The following SLC44A5 variants were observed in gnomAD, a reference collection of about 807,000 sequenced individuals.
The protein encoded by SLC44A5 is solute carrier family 44 member 5.
Under a neutral mutation model 101.8 loss-of-function variants are expected in SLC44A5, and 57 were observed. That is an observed-to-expected ratio of 0.56 (90% CI 0.45 to 0.70). The LOEUF is 0.70. Ranked by LOEUF, SLC44A5 falls within the 30% of genes least tolerant of loss-of-function variation. The pLI is 0.00. For synonymous variants in SLC44A5, 281 were observed against 290.9 expected, an observed-to-expected ratio of 0.97 and a Z score of 0.35; for missense variants, 737 against 853.1, an observed-to-expected ratio of 0.86 and a Z score of 1.70.
At chr1:75,397,558 G>A (rs1662204064) in intron 2 of SLC44A5, among the ~76,000 whole-genome samples, 1 of 152,078 alleles carries the variant, frequency 6.6e-6, no homozygotes, top group Non-Finnish European at 1.5e-5. Context: ...AATTAAAATA[G>A]TAACCAACTT....
At chr1:75,290,247 TC>T (rs1380666083) in intron 5 of SLC44A5, among the ~76,000 whole-genome samples, 38 of 152,310 alleles carry the variant, frequency 2.5e-4, no homozygotes, top group African/African-American at 8.9e-4. Flanking sequence ...GCCAGTTATA[TC>T]CCCTTGTAGG....
At chr1:75,596,367 T>C (rs927087674) in intron 1 of SLC44A5, among the ~76,000 whole-genome samples, 2 of 152,114 alleles carry the variant, frequency 1.3e-5, no homozygotes, top group African/African-American at 4.8e-5. Context: ...TTCTACCAGA[T>C]GTACAAAGAA....
At chr1:75,416,444 G>A (rs1663651847) in intron 2 of SLC44A5, among the ~76,000 whole-genome samples, 1 of 152,218 alleles carries the variant, frequency 6.6e-6, no homozygotes, top group South Asian at 2.1e-4. Flanking sequence ...TTGCTGCATG[G>A]GTGGGGCCCT....
At chr1:75,698,288 G>C in the SLC44A5 span, among the ~76,000 whole-genome samples, 1 of 152,190 alleles carries the variant, frequency 6.6e-6, no homozygotes, top group South Asian at 2.1e-4. Context: ...GGTTCTCCCA[G>C]TACGCAGCTG....
intron 2 of SLC44A5, among the ~76,000 whole-genome samples, chr1:75,487,726 A>G (rs1387002542): frequency 6.6e-6 from 1 of 152,176 alleles, no homozygotes; most frequent in Non-Finnish European, 1.5e-5. Context: ...TGTGAATGTC[A>G]TAGAGTATAC....
At chr1:75,230,750 G>T (rs1284792259) in intron 12 of SLC44A5, among the ~76,000 whole-genome samples, 2 of 152,092 alleles carry the variant, frequency 1.3e-5, no homozygotes, top group African/African-American at 4.8e-5. Flanking sequence ...CCAAGTAGCT[G>T]GGACTACAGG....
In SLC44A5 at chr1:75,317,130, C is replaced by A. The variant is rs56031819; in HGVS notation, c.102-16445G>T. 8.7e-3 allele frequency among the ~76,000 whole-genome samples: 1,318 copies of A among 152,264 alleles called. 21 individuals are homozygous for A. Among genetic ancestry groups the A allele is most frequent in the African/African-American group, 0.03 (1,264 of 41,546 alleles). On this transcript the variant is annotated intron_variant, in intron 4 of 23. Transcript: ENST00000370859. ...ATATTTTAAAAGTACGATTTTAAAC[C>A]AAGAGACTATGTATGTTCCAATCTT...
At chr1:75,262,297 A>G (rs1482587284) in intron 6 of SLC44A5, among the ~76,000 whole-genome samples, 3 of 152,260 alleles carry the variant, frequency 2.0e-5, no homozygotes, top group Middle Eastern at 3.2e-3. Context: ...GTCTCAGGAT[A>G]CAAAATCAAT....
At chr1:75,311,332 G>C (rs1236201790) in intron 4 of SLC44A5, among the ~76,000 whole-genome samples, 1 of 152,142 alleles carries the variant, frequency 6.6e-6, no homozygotes, top group Non-Finnish European at 1.5e-5. Flanking sequence ...GGCCACGCTG[G>C]TCTCGAACTC....
chr1:75,550,648 T>C (rs1671889634), intron 1 of SLC44A5, among the ~76,000 whole-genome samples: 1 of 152,066 alleles, frequency 6.6e-6, no homozygotes, highest in Non-Finnish European at 1.5e-5. Context: ...GTAATCTCCA[T>C]ACATGGACAA....
rs1429561694 is a variant in SLC44A5 at position 75,464,235 on chromosome 1, A to AAG, written c.14-67615_14-67614insCT. ...AGACTCTGTCTCAAAAAAAAAAAAA[A>AAG]AAAAAAAAGCAAGAAAGAAGAAAAA... On this transcript the variant is annotated intron_variant, in intron 2 of 23. Transcript: ENST00000370859. 3.3e-5 allele frequency among the ~76,000 whole-genome samples: 5 copies of AAG among 151,304 alleles called. No individual in the cohort carries two copies. The East Asian group carries it at 9.7e-4, about 29-fold the overall frequency.
intron 3 of SLC44A5, among the ~76,000 whole-genome samples, chr1:75,359,133 C>T (rs1225823632): frequency 1.3e-5 from 2 of 150,418 alleles, no homozygotes; most frequent in African/African-American, 4.9e-5. Context: ...TAATGCCCTC[C>T]AGGCGGCTCC....
chr1:75,446,428 T>G (rs1665579676), intron 2 of SLC44A5, among the ~76,000 whole-genome samples: 1 of 152,314 alleles, frequency 6.6e-6, no homozygotes, highest in South Asian at 2.1e-4. Context: ...TTACTCACTC[T>G]TTTGAGTCTC....
At chr1:75,342,615 T>C (rs1364425597) in intron 3 of SLC44A5, among the ~76,000 whole-genome samples, 2 of 152,120 alleles carry the variant, frequency 1.3e-5, no homozygotes, top group East Asian at 3.9e-4. Context: ...ATCCCACAGA[T>C]GAGTAAGGAG....
At chr1:75,367,962 A>C (rs1659973240) in intron 3 of SLC44A5, among the ~76,000 whole-genome samples, 1 of 152,212 alleles carries the variant, frequency 6.6e-6, no homozygotes, top group African/African-American at 2.4e-5. Flanking sequence ...CCTGTGTTGC[A>C]TTTTTATACC....
At chr1:75,687,037 GA>G in the SLC44A5 span, among the ~76,000 whole-genome samples, 1 of 152,102 alleles carries the variant, frequency 6.6e-6, no homozygotes, top group Non-Finnish European at 1.5e-5. Flanking sequence ...TTCCAGGCAG[GA>G]ATTTTGCATA....
At chr1:75,699,380 G>C in the SLC44A5 span, among the ~76,000 whole-genome samples, 1 of 152,088 alleles carries the variant, frequency 6.6e-6, no homozygotes, top group African/African-American at 2.4e-5. Context: ...TTTCAACCCA[G>C]AATTTCATAT....
chr1:75,324,210 T>C (rs182976346), intron 4 of SLC44A5, among the ~76,000 whole-genome samples: 1 of 152,344 alleles, frequency 6.6e-6, no homozygotes, highest in East Asian at 1.9e-4. Context: ...TTAGTTGTTA[T>C]ATGAGAACTG....
intron 3 of SLC44A5, among the ~76,000 whole-genome samples, chr1:75,355,375 T>A (rs1426004386): frequency 1.3e-5 from 2 of 152,188 alleles, no homozygotes; most frequent in African/African-American, 4.8e-5. Context: ...CTTGAAAAAA[T>A]CATTTTGCTT....
Sources: allele counts gnomAD v4.1 joint callset (sites outside exome capture counted in the v4.1 genomes callset), GRCh38; gene constraint gnomAD v4.1.1; transcripts MANE v1.5; gene names NCBI Gene and HGNC (gene_info 2026-07-23, HGNC 2026-07-21).